The following TRABD2B variants were observed in gnomAD, a reference collection of about 807,000 sequenced individuals.
TRABD2B encodes the protein TraB domain containing 2B.
In TRABD2B, 14 loss-of-function variants were observed where a neutral mutation model predicts 40.1. The ratio of observed to expected loss-of-function variants is 0.35; its 90% CI spans 0.23 to 0.55. The LOEUF (loss-of-function observed/expected upper bound fraction) is 0.55. Ranked by LOEUF, TRABD2B falls within the 20% of genes least tolerant of loss-of-function variation. The probability of loss-of-function intolerance (pLI) is 0.90; values close to 1 mark genes in which losing one functional copy is unlikely to be tolerated. For missense variants in TRABD2B, 541 were observed against 648.6 expected (o/e 0.83, Z 1.80); for synonymous variants, 263 against 277.0 (o/e 0.95, Z 0.50).
chr1:47,990,770 TTTATATATA>T (rs1645992665), intron 2 of TRABD2B, among the ~76,000 whole-genome samples: 1 of 35,046 alleles, frequency 2.9e-5, no homozygotes, highest in African/African-American at 1.6e-4. Flanking sequence ...AAACGTTGGT[TTTATATATA>T]TATATATATA....
chr1:47,915,656 A>G (rs1213028093), intron 2 of TRABD2B, among the ~76,000 whole-genome samples: 1 of 152,116 alleles, frequency 6.6e-6, no homozygotes, highest in East Asian at 1.9e-4. Context: ...TGCAGCTTAA[A>G]TCTGAGATGG....
intron 6 of TRABD2B, among the ~76,000 whole-genome samples, chr1:47,770,918 GC>G (rs1373500826): frequency 6.6e-6 from 1 of 152,218 alleles, no homozygotes; most frequent in Non-Finnish European, 1.5e-5. Flanking sequence ...GTGGTCTGAT[GC>G]CAGCTTAAAG....
At chr1:47,801,347 C>T in intron 3 of TRABD2B, 126 bp downstream of exon 3, 3 of 1,035,588 alleles carry the variant, frequency 2.9e-6, no homozygotes, top group Non-Finnish European at 4.1e-6. Context: ...CTCAATTTCC[C>T]CACCTATAAA....
At chr1:47,863,437 A>G (rs551011144) in intron 2 of TRABD2B, among the ~76,000 whole-genome samples, 3 of 143,502 alleles carry the variant, frequency 2.1e-5, no homozygotes, top group African/African-American at 7.7e-5. Context: ...TGATTAAAAG[A>G]TGGGCCAAAG....
At chr1:47,795,563 C>T in intron 3 of TRABD2B, 1 of 768,196 alleles carries the variant, frequency 1.3e-6, no homozygotes, top group Non-Finnish European at 1.6e-6. Context: ...TGGCACCGGG[C>T]AAGTTACTTA....
At chr1:47,812,487 C>T (rs986101707) in intron 2 of TRABD2B, among the ~76,000 whole-genome samples, 3 of 152,080 alleles carry the variant, frequency 2.0e-5, no homozygotes, top group African/African-American at 7.2e-5. Context: ...CAGCACTTTG[C>T]GGGGCTGAGG....
chr1:47,891,616 G>T (rs919730013), intron 2 of TRABD2B, among the ~76,000 whole-genome samples: 4 of 152,102 alleles, frequency 2.6e-5, no homozygotes, highest in African/African-American at 9.7e-5. Flanking sequence ...GAGCAACATA[G>T]TGAGACCCCA....
chr1:47,771,038 T>C (rs752320077), intron 6 of TRABD2B, among the ~76,000 whole-genome samples: 41 of 152,356 alleles, frequency 2.7e-4, no homozygotes, highest in Middle Eastern at 3.4e-3. Context: ...CATTGGATGA[T>C]CCTGCTTCTC....
chr1:47,814,676 G>A lies in TRABD2B; in HGVS notation c.667-13057C>T, dbSNP rs571931267. On this transcript the variant is annotated intron_variant, in intron 2 of 6. Coordinates refer to ENST00000606738, the MANE Select transcript of TRABD2B (RefSeq NM_001194986.2). ...ATCCTTGAGCCCCACTTGAGGGAGC[G>A]GTTGGACAAATGCAGATGAGACCCA... Among the ~76,000 whole-genome samples the A allele has an allele frequency of 8.9e-4, 136 of 152,198 alleles. 2 individuals are homozygous for A. Among genetic ancestry groups the A allele is most frequent in the African/African-American group, 3.2e-3 (131 of 41,508 alleles).
At position 47,886,947 on chromosome 1, in the gene TRABD2B, T is replaced by G. The variant is rs112550722; in HGVS notation, c.667-85328A>C. Among the ~76,000 whole-genome samples, 8 of 152,166 alleles carry G rather than the reference T, an allele frequency of 5.3e-5. 2 individuals are homozygous for G. Among genetic ancestry groups the G allele is most frequent in the African/African-American group, 1.9e-4 (8 of 41,558 alleles). On this transcript the variant is annotated intron_variant, in intron 2 of 6. Transcript: ENST00000606738. The stretch of plus-strand genomic sequence containing the variant: ...CATCATCACACTTGGTAAACAGTTT[T>G]GAGAACATGGAAGTGGGAGTGGGGT...
rs938036592 is a variant in TRABD2B, at chr1:47,761,757, T to C, written c.*4145A>G. 1 of 152,264 alleles carries C rather than the reference T, an allele frequency of 6.6e-6. No homozygotes were observed. The highest frequency in any genetic ancestry group is 2.1e-4 in the South Asian group (1 of 4,830). The allele number at this position is 152,264 out of a possible 1,614,324, so 9.4% of individuals were successfully genotyped here. ...TCTCCCGATGGGAAACCTGCCACCC[T>C]TGGGGGCTCCGGGCCATCCCCAGAC... On this transcript the variant is annotated 3_prime_UTR_variant, in exon 7 of 7. Coordinates refer to ENST00000606738, the MANE Select transcript of TRABD2B (RefSeq NM_001194986.2).
chr1:47,944,014 T>C (rs776804688), intron 2 of TRABD2B, among the ~76,000 whole-genome samples: 1 of 152,186 alleles, frequency 6.6e-6, no homozygotes, highest in African/African-American at 2.4e-5. Flanking sequence ...ACCTAATATA[T>C]GCTATGCACT....
At chr1:47,961,341 C>G (rs1229378652) in intron 2 of TRABD2B, among the ~76,000 whole-genome samples, 1 of 152,180 alleles carries the variant, frequency 6.6e-6, no homozygotes, top group African/African-American at 2.4e-5. Flanking sequence ...GCAATGGCAA[C>G]AAAAGCCAAA....
Position 47,827,301 on chromosome 1 carries a change from GAC to G in TRABD2B, c.667-25684_667-25683del, listed in dbSNP as rs1434929750. 2.0e-5 allele frequency among the ~76,000 whole-genome samples: 3 copies of G among 152,332 alleles called. No homozygotes were observed. The East Asian group carries it at 5.8e-4, about 29-fold the overall frequency. On this transcript the variant is annotated intron_variant, in intron 2 of 6. Coordinates refer to ENST00000606738, the MANE Select transcript of TRABD2B (RefSeq NM_001194986.2). ...AGGGAAATCTGCAGGCAGTGCCGAA[GAC>G]ACGCTTGATTTCTCAAATCGAGAGG...
intron 2 of TRABD2B, among the ~76,000 whole-genome samples, chr1:47,986,797 T>C (rs1645925028): frequency 6.6e-6 from 1 of 152,082 alleles, no homozygotes. Context: ...TTCCAGCGGA[T>C]ATAGTGCACA....
intron 2 of TRABD2B, among the ~76,000 whole-genome samples, chr1:47,955,094 A>G (rs538720385): frequency 5.3e-5 from 8 of 152,046 alleles, no homozygotes; most frequent in Middle Eastern, 3.4e-3. Context: ...CTCTCCTCCT[A>G]AACAGTCCCC....
chr1:47,914,580 A>G (rs867383966), intron 2 of TRABD2B, among the ~76,000 whole-genome samples: 2 of 152,232 alleles, frequency 1.3e-5, no homozygotes, highest in Admixed American at 6.5e-5. Context: ...ATCTGGGGTG[A>G]GTGCTGGTAC....
At chr1:47,772,486 A>G (rs1644389622) in intron 6 of TRABD2B, among the ~76,000 whole-genome samples, 2 of 151,836 alleles carry the variant, frequency 1.3e-5, no homozygotes, top group African/African-American at 2.4e-5. Flanking sequence ...GCGTGGGGGC[A>G]CTGTAGGACC....
chr1:47,868,515 C>T (rs1355405565), intron 2 of TRABD2B, among the ~76,000 whole-genome samples: 1 of 152,144 alleles, frequency 6.6e-6, no homozygotes, highest in African/African-American at 2.4e-5. Context: ...AGCATTACCG[C>T]CTGAGCTTCG....
Sources: gnomAD v4.1 joint callset for allele counts (sites outside exome capture counted in the v4.1 genomes callset) on GRCh38, gnomAD v4.1.1 for gene constraint, MANE v1.5 for transcripts, NCBI Gene and HGNC (gene_info 2026-07-23, HGNC 2026-07-21) for gene names.